The following TNR variants were observed in gnomAD, a reference collection of about 807,000 sequenced individuals.
TNR encodes the protein tenascin-R.
Under a neutral mutation model 150.4 loss-of-function variants are expected in TNR, and 45 were observed. The observed-to-expected ratio is 0.30, with a 90% confidence interval of 0.24 to 0.38. The LOEUF (loss-of-function observed/expected upper bound fraction) is 0.38, where lower values mean the gene tolerates loss of function less well. Among genes scored for constraint, TNR ranks in the 10% least tolerant of loss-of-function variants. TNR has a pLI of 1.00. For synonymous variants in TNR, 687 were observed against 678.4 expected, an observed-to-expected ratio of 1.01 and a Z score of -0.20; for missense variants, 1,544 against 1,759.1, an observed-to-expected ratio of 0.88 and a Z score of 2.19.
intron 1 of TNR, among the ~76,000 whole-genome samples, chr1:175,594,875 A>T (rs1470639389): frequency 6.6e-6 from 1 of 150,786 alleles, no homozygotes; most frequent in South Asian, 2.1e-4. Flanking sequence ...AAAAAAAAAA[A>T]AATTATTGGC....
intron 1 of TNR, among the ~76,000 whole-genome samples, chr1:175,707,391 T>G (rs1046534302): frequency 6.6e-5 from 10 of 152,234 alleles, no homozygotes; most frequent in Admixed American, 5.9e-4. Context: ...TGATATTTAT[T>G]TGAGTGCCTG....
At chr1:175,710,881 C>T (rs868099454) in intron 1 of TNR, among the ~76,000 whole-genome samples, 1 of 152,084 alleles carries the variant, frequency 6.6e-6, no homozygotes, top group Non-Finnish European at 1.5e-5. Context: ...TTAGTTCACC[C>T]GGATGCAGAG....
At chr1:175,571,754 G>C (rs561740520) in intron 1 of TNR, among the ~76,000 whole-genome samples, 13 of 152,274 alleles carry the variant, frequency 8.5e-5, no homozygotes, top group African/African-American at 2.6e-4. Flanking sequence ...CTGGGCTGAT[G>C]AGCCCCCCAG....
intron 1 of TNR, among the ~76,000 whole-genome samples, chr1:175,634,593 G>A (rs1370364811): frequency 6.6e-6 from 1 of 152,170 alleles, no homozygotes; most frequent in East Asian, 1.9e-4. Context: ...GACTTAGTAT[G>A]TGGGAGCACA....
chr1:175,367,356 G>T, intron 9 of TNR, 59 bp from the exon 10 acceptor site: 1 of 1,424,304 alleles, frequency 7.0e-7, no homozygotes, highest in Non-Finnish European at 9.9e-7. Context: ...TAGGAAGGCT[G>T]AAAGTGGGAA....
At chr1:175,348,767 T>C (rs1033509733) in intron 18 of TNR, among the ~76,000 whole-genome samples, 1 of 152,136 alleles carries the variant, frequency 6.6e-6, no homozygotes, top group South Asian at 2.1e-4. Context: ...CAGTATAAAA[T>C]AGGCTAAATA....
At position 175,323,105 on chromosome 1, in the gene TNR, C is replaced by T; in HGVS notation, c.*252G>A. ...CCCTTTAAGAAAACTTCCTACTTCT[C>T]CTCCTTGGTGGGAAAGGAGGTGAAG... On this transcript the variant is annotated 3_prime_UTR_variant, in exon 23 of 23. Coordinates refer to ENST00000367674, the MANE Select transcript of TNR (RefSeq NM_003285.3). 2 of 380,390 alleles carry T rather than the reference C, an allele frequency of 5.3e-6. No homozygotes were observed. Among genetic ancestry groups the T allele is most frequent in the Non-Finnish European group, 9.4e-6 (2 of 213,452 alleles). 23.6% of individuals were successfully genotyped at this position (380,390 alleles called of 1,614,324 possible). A position where few individuals can be genotyped will look rare whatever the true frequency, so the allele number is the denominator to read the frequency against.
chr1:175,646,246 T>C (rs983283564), intron 1 of TNR, among the ~76,000 whole-genome samples: 10 of 152,218 alleles, frequency 6.6e-5, no homozygotes, highest in African/African-American at 2.4e-4. Context: ...TCTGAAAATG[T>C]TACTCAGGAT....
chr1:175,336,675 T>C (rs1650268105), intron 19 of TNR, among the ~76,000 whole-genome samples: 1 of 152,222 alleles, frequency 6.6e-6, no homozygotes. Context: ...ACAGTGTCTC[T>C]CTTTTCCTGA....
At chr1:175,655,655 A>G (rs1414613739) in intron 1 of TNR, among the ~76,000 whole-genome samples, 1 of 152,230 alleles carries the variant, frequency 6.6e-6, no homozygotes, top group Admixed American at 6.5e-5. Flanking sequence ...TAACTATTAT[A>G]ATAAGTGTTA....
chr1:175,402,039 G>A (rs558270912), intron 4 of TNR, among the ~76,000 whole-genome samples: 141 of 152,128 alleles, frequency 9.3e-4, no homozygotes, highest in Non-Finnish European at 1.7e-3. Context: ...CGGGCGCGGT[G>A]GCTCACGCCT....
chr1:175,621,467 C>T (rs1285775360), intron 1 of TNR, among the ~76,000 whole-genome samples: 1 of 152,150 alleles, frequency 6.6e-6, no homozygotes, highest in Non-Finnish European at 1.5e-5. Flanking sequence ...TTTCAGGACG[C>T]TTTCTTCCTC....
intron 2 of TNR, among the ~76,000 whole-genome samples, chr1:175,493,074 G>A (rs1396394953): frequency 6.6e-6 from 1 of 152,044 alleles, no homozygotes; most frequent in Non-Finnish European, 1.5e-5. Context: ...ATTCTCTGCT[G>A]TACCCGTCAG....
chr1:175,340,626 A>G (rs1302702068), intron 18 of TNR, among the ~76,000 whole-genome samples: 1 of 152,234 alleles, frequency 6.6e-6, no homozygotes, highest in East Asian at 1.9e-4. Flanking sequence ...ACTGAATCAG[A>G]ATATCAGGGG....
At chr1:175,635,493 T>C (rs1389681183) in intron 1 of TNR, among the ~76,000 whole-genome samples, 1 of 152,204 alleles carries the variant, frequency 6.6e-6, no homozygotes, top group Non-Finnish European at 1.5e-5. Context: ...TAGAACACAT[T>C]TTATCAAGTG....
chr1:175,699,054 A>G (rs1016220009), intron 1 of TNR, among the ~76,000 whole-genome samples: 1 of 152,198 alleles, frequency 6.6e-6, no homozygotes, highest in Non-Finnish European at 1.5e-5. Flanking sequence ...ACAGCAGCCC[A>G]GGCACAAGGT....
intron 1 of TNR, among the ~76,000 whole-genome samples, chr1:175,704,949 C>T (rs1191713643): frequency 2.6e-5 from 4 of 151,828 alleles, no homozygotes; most frequent in Non-Finnish European, 4.4e-5. Context: ...AGTGAGGGGA[C>T]GGGGGATGTT....
At chr1:175,461,318 T>C (rs771037046) in intron 2 of TNR, among the ~76,000 whole-genome samples, 4 of 152,158 alleles carry the variant, frequency 2.6e-5, no homozygotes, top group Non-Finnish European at 4.4e-5. Context: ...AAAGATGCAA[T>C]TTACCTCACA....
At chr1:175,420,766 T>C (rs1393124698) in intron 2 of TNR, among the ~76,000 whole-genome samples, 1 of 152,174 alleles carries the variant, frequency 6.6e-6, no homozygotes, top group African/African-American at 2.4e-5. Flanking sequence ...AAACTAAGGC[T>C]CAATCCTATG....
Sources: gnomAD v4.1 joint callset for allele counts (sites outside exome capture counted in the v4.1 genomes callset) on GRCh38, gnomAD v4.1.1 for gene constraint, MANE v1.5 for transcripts, NCBI Gene and HGNC (gene_info 2026-07-23, HGNC 2026-07-21) for gene names.